Variants in GATA5 observed in about 807,000 individuals in gnomAD.
GATA5 encodes the protein transcription factor GATA-5.
Under a neutral mutation model 35.0 loss-of-function variants are expected in GATA5, and 27 were observed. The ratio of observed to expected loss-of-function variants is 0.77; its 90% confidence interval spans 0.57 to 1.06. The LOEUF is 1.06. Ranked by LOEUF, GATA5 falls within the 50% of genes least tolerant of loss-of-function variation. GATA5 has a pLI of 0.00. For synonymous variants in GATA5, 306 were observed against 267.8 expected (o/e 1.14, Z -1.39); for missense variants, 612 against 580.0 (o/e 1.06, Z -0.57).
chr20:62,467,006 G>T (rs897167335), intron 3 of GATA5, among the ~76,000 whole-genome samples: 15 of 152,236 alleles, frequency 9.9e-5, no homozygotes, highest in African/African-American at 3.6e-4. Flanking sequence ...AGGCCGGGGG[G>T]CCCCACCGGA....
chr20:62,471,498 C>T (rs1989723306), intron 3 of GATA5, among the ~76,000 whole-genome samples: 1 of 116,414 alleles, frequency 8.6e-6, no homozygotes, highest in African/African-American at 3.4e-5. Context: ...GTGGTGCCAT[C>T]TCGGCTCATT....
chr20:62,466,703 T>G, intron 3 of GATA5, 152 bp from the exon 4 acceptor site: 1 of 867,376 alleles, frequency 1.2e-6, no homozygotes, highest in Non-Finnish European at 1.7e-6. Flanking sequence ...CAGCTCTGCC[T>G]GGACACGCTC....
chr20:62,467,730 G>C (rs533857676), intron 3 of GATA5, among the ~76,000 whole-genome samples: 16 of 152,370 alleles, frequency 1.1e-4, no homozygotes, highest in Admixed American at 3.3e-4. Flanking sequence ...CATGAGAATG[G>C]GCCCCCCACA....
intron 3 of GATA5, 55 bp downstream of exon 3, chr20:62,473,348 G>C: frequency 1.3e-6 from 2 of 1,545,544 alleles, no homozygotes; most frequent in East Asian, 2.4e-5. Flanking sequence ...GATTGCAAGA[G>C]GTCCCCTCGG....
chr20:62,466,509 T>A lies in GATA5; in HGVS notation c.742A>T (p.Thr248Ser), dbSNP rs782597708. 1.9e-6 allele frequency: 3 copies of A among 1,565,036 alleles called. No homozygotes were observed. The highest frequency in any genetic ancestry group is 2.6e-6 in the Non-Finnish European group (3 of 1,154,934). Residue 248 changes from threonine to serine, a missense_variant, in exon 4 of 7, where the codon ACG becomes TCG. Physicochemically the swap from Thr to Ser is moderately conservative, Grantham distance 58. Transcript: ENST00000252997. ...RAGLCCTNCHTTNTTLWRRNS... is the reference protein window; with the variant it reads ...RAGLCCTNCHSTNTTLWRRNS... ...CGCCGCCACAGCGTGGTGTTGGTCG[T>A]GTGGCAGTTGGTGCAGCAGAGGCCG...
rs150452501 is a variant in GATA5, at chr20:62,470,734, G to A, written c.699+2669C>T. ...CTGCCGGGCCCCAGGCTTCAGCCGAGGCTTCAGTGTTCTTGGGGGTGGGCT... is the reference window on the plus strand; with the variant it reads ...CTGCCGGGCCCCAGGCTTCAGCCGAAGCTTCAGTGTTCTTGGGGGTGGGCT... On this transcript the variant is annotated intron_variant, in intron 3 of 6. Coordinates refer to ENST00000252997, the MANE Select transcript of GATA5 (RefSeq NM_080473.5). The surrounding 1 kb of genome is among the most constrained non-coding windows in gnomAD (Gnocchi z 4.6). Among the ~76,000 whole-genome samples, 24 of 152,310 alleles carry A rather than the reference G, an allele frequency of 1.6e-4. No homozygotes were observed. The highest frequency in any genetic ancestry group is 5.8e-4 in the African/African-American group (24 of 41,568).
In GATA5 at chr20:62,466,449, C is replaced by T. The variant is rs541716158; in HGVS notation, c.802G>A (p.Gly268Ser). 8 of 1,585,280 alleles carry T rather than the reference C, an allele frequency of 5.0e-6. No individual in the cohort carries two copies. Among genetic ancestry groups the T allele is most frequent in the East Asian group, 2.3e-5 (1 of 43,284 alleles). ...SEGEPVCNAC[G>S]LYMKLHGVPR... is the part of the protein sequence containing the mutation. Reference sequence around the variant, plus strand: ...ACCCCGTGCAGCTTCATGTAGAGGCCGCAGGCATTGCACACGGGCTCCCCC... The same window carrying T: ...ACCCCGTGCAGCTTCATGTAGAGGCTGCAGGCATTGCACACGGGCTCCCCC... The change falls in exon 4 of 7, where the codon GGC becomes AGC. Residue 268 changes from glycine (G) to serine (S), a missense_variant. By Grantham distance (56) the Gly-to-Ser change is moderately conservative. Coordinates refer to ENST00000252997, the MANE Select transcript of GATA5 (RefSeq NM_080473.5).
rs782266668 is a variant in GATA5, at chr20:62,471,899, CTTTTTTTT to C, written c.699+1496_699+1503del. 3.0e-3 allele frequency among the ~76,000 whole-genome samples: 400 copies of C among 135,024 alleles called. 2 individuals are homozygous for C. Among genetic ancestry groups the C allele is most frequent in the African/African-American group, 0.01 (377 of 36,476 alleles). The allele number at this position is 135,024 out of a possible 152,430, so 88.6% of individuals were successfully genotyped here. ...GTGTGCTACCATGTCTGACTAATTTCTTTTTTTTTTTTTTTTTTAAATTTTTAGTGGAG... is the reference window on the plus strand; with the variant it reads ...GTGTGCTACCATGTCTGACTAATTTCTTTTTTTTTTAAATTTTTAGTGGAG... On this transcript the variant is annotated intron_variant, in intron 3 of 6. Coordinates refer to ENST00000252997, the MANE Select transcript of GATA5 (RefSeq NM_080473.5).
chr20:62,469,361 C>A (rs1989668463), intron 3 of GATA5, among the ~76,000 whole-genome samples: 1 of 152,220 alleles, frequency 6.6e-6, no homozygotes, highest in African/African-American at 2.4e-5. Flanking sequence ...CCCCAGCAGT[C>A]CCCGCCTTCA....
At chr20:62,466,085 G>C (rs1159191991) in intron 4 of GATA5, among the ~76,000 whole-genome samples, 164 bp from the exon 5 acceptor site, 1 of 152,218 alleles carries the variant, frequency 6.6e-6, no homozygotes, top group Non-Finnish European at 1.5e-5. Context: ...GTGAGGGGGA[G>C]CCCGTGGAGC....
At chr20:62,465,507 C>T in intron 5 of GATA5, 43 bp from the exon 6 acceptor site, 2 of 1,574,694 alleles carry the variant, frequency 1.3e-6, no homozygotes, top group Non-Finnish European at 1.7e-6. Context: ...TCAGGTGTGG[C>T]CTCACTTCCC....
In GATA5 at chr20:62,467,872, C is replaced by T. The variant is rs567273833; in HGVS notation, c.700-1321G>A. Among the ~76,000 whole-genome samples the T allele has an allele frequency of 5.9e-4, 90 of 152,278 alleles. 1 individual carries two copies. The East Asian group carries it at 0.016, about 27-fold the overall frequency. ...CAGACACAGCCAGCCTCGGCTTCCC[C>T]GTCTGTGTCTGTTACTTACGTGAGC... is the stretch of plus-strand genomic sequence containing the variant. On this transcript the variant is annotated intron_variant, in intron 3 of 6. Coordinates refer to ENST00000252997, the MANE Select transcript of GATA5 (RefSeq NM_080473.5).
At position 62,475,273 on chromosome 20, in the gene GATA5, T is replaced by G. The variant is rs1601520610; in HGVS notation, c.249A>C (p.Pro83=). ...CGGTGGCCCCGGGCGGGTGCGCGGC[T>G]GGGGGGTGCGGACTGCCCGGGCCGA... ...SAFGPGSPHP[P]AAHPPGATAF... Residue 83 remains proline, a synonymous_variant, in exon 2 of 7, where the codon CCA becomes CCC. Transcript: ENST00000252997. 7 of 1,245,914 alleles carry G rather than the reference T, an allele frequency of 5.6e-6. No homozygotes were observed. Among genetic ancestry groups the G allele is most frequent in the East Asian group, 6.3e-5 (2 of 31,604 alleles). 77.2% of individuals were successfully genotyped at this position (1,245,914 alleles called of 1,614,324 possible).
chr20:62,465,241 T>G, intron 6 of GATA5, 99 bp downstream of exon 6: 1 of 1,294,428 alleles, frequency 7.7e-7, no homozygotes, highest in Non-Finnish European at 1.0e-6. Flanking sequence ...CCAGCCCACC[T>G]GCTGGAAGAG....
intron 1 of GATA5, 131 bp from the exon 2 acceptor site, chr20:62,475,673 G>A (rs1045889469): frequency 1.8e-6 from 1 of 557,508 alleles, no homozygotes; most frequent in Non-Finnish European, 2.7e-6. Context: ...CGTTCGCGGG[G>A]CGGGTCCCCG....
At chr20:62,475,605 G>T in intron 1 of GATA5, 63 bp from the exon 2 acceptor site, 2 of 1,096,524 alleles carry the variant, frequency 1.8e-6, no homozygotes, top group Non-Finnish European at 2.3e-6. Context: ...CAGCGCCCGA[G>T]CTTATGCCGG....
intron 2 of GATA5, 66 bp from the exon 3 acceptor site, chr20:62,473,644 CCG>C: frequency 6.8e-7 from 1 of 1,464,220 alleles, no homozygotes; most frequent in Non-Finnish European, 9.2e-7. Flanking sequence ...AGCTCATGGG[CCG>C]GCACCCTCCC....
At position 62,466,431 on chromosome 20, in the gene GATA5, G is replaced by A; in HGVS notation, c.820C>T (p.His274Tyr). 1.3e-6 allele frequency: 2 copies of A among 1,585,652 alleles called. No homozygotes were observed. The highest frequency in any genetic ancestry group is 1.7e-6 in the Non-Finnish European group (2 of 1,166,466). Residue 274 changes from histidine to tyrosine, a missense_variant, in exon 4 of 7, where the codon CAC becomes TAC. Coordinates refer to ENST00000252997, the MANE Select transcript of GATA5 (RefSeq NM_080473.5). ...GCCCCGGGGACCACACTCACCCCGTGCAGCTTCATGTAGAGGCCGCAGGCA... is the reference window on the plus strand; with the variant it reads ...GCCCCGGGGACCACACTCACCCCGTACAGCTTCATGTAGAGGCCGCAGGCA... The part of the protein sequence containing the change: ...CNACGLYMKL[H>Y]GVPRPLAMKK...
chr20:62,471,432 ATTTT>A lies in GATA5; in HGVS notation c.699+1967_699+1970del, dbSNP rs574764628. Among the ~76,000 whole-genome samples, 26 of 81,742 alleles carry A rather than the reference ATTTT, an allele frequency of 3.2e-4. 3 individuals are homozygous for A. The highest frequency in any genetic ancestry group is 1.1e-3 in the African/African-American group (23 of 20,426). The allele number at this position is 81,742 out of a possible 152,430, so 53.6% of individuals were successfully genotyped here. A position where few individuals can be genotyped will look rare whatever the true frequency, so the allele number is the denominator to read the frequency against. On this transcript the variant is annotated intron_variant, in intron 3 of 6. Coordinates refer to ENST00000252997, the MANE Select transcript of GATA5 (RefSeq NM_080473.5). ...TAAAGAGAAGTTAATTTCAATTACA[ATTTT>A]TTTTTTTTTTTTTGTGATGAGGTCT...
Sources: allele counts gnomAD v4.1 joint callset (sites outside exome capture counted in the v4.1 genomes callset), GRCh38; gene constraint gnomAD v4.1.1; non-coding constraint Gnocchi (gnomAD v3.1); transcripts MANE v1.5; gene names NCBI Gene and HGNC (gene_info 2026-07-23, HGNC 2026-07-21).